CCDC85A: variants seen among roughly 807,000 people sequenced by gnomAD.
CCDC85A encodes the protein coiled-coil domain-containing protein 85A.
In CCDC85A, 38 loss-of-function variants were observed where a neutral mutation model predicts 50.2. The ratio of observed to expected loss-of-function variants is 0.76; its 90% CI spans 0.58 to 0.99. The LOEUF is 0.99. CCDC85A is among the 50% of genes least tolerant of loss of function. CCDC85A has a pLI of 0.00. For synonymous variants in CCDC85A, 366 were observed against 301.4 expected (o/e 1.21, Z -2.22); for missense variants, 820 against 742.0 (o/e 1.11, Z -1.22).
At chr2:56,214,790 A>G (rs1677325802) in intron 2 of CCDC85A, among the ~76,000 whole-genome samples, 1 of 151,912 alleles carries the variant, frequency 6.6e-6, no homozygotes, top group African/African-American at 2.4e-5. Context: ...GTTTGAAGTA[A>G]TTACAGAAAT....
chr2:56,193,461 G>A (rs768817902), intron 2 of CCDC85A, 21 bp downstream of exon 2: 1 of 1,568,890 alleles, frequency 6.4e-7, no homozygotes, highest in African/African-American at 1.3e-5. Flanking sequence ...ATGTGCTGGG[G>A]TGCTGCTTGG....
Position 56,184,268 on chromosome 2 carries a change from G to C in CCDC85A, c.-357G>C. On this transcript the variant is annotated 5_prime_UTR_variant, in exon 1 of 6. Transcript: ENST00000407595. ...GGGGCGACAGTCTCGGCTTAGGGCGGAGGAGAGGGCAGGGGAACGGCGGTG... is the reference window on the plus strand; with the variant it reads ...GGGGCGACAGTCTCGGCTTAGGGCGCAGGAGAGGGCAGGGGAACGGCGGTG... 1 of 879,858 alleles carries C rather than the reference G, an allele frequency of 1.1e-6. No homozygotes were observed. Among genetic ancestry groups the C allele is most frequent in the Non-Finnish European group, 1.4e-6 (1 of 717,796 alleles). 54.5% of individuals were successfully genotyped at this position (879,858 alleles called of 1,614,324 possible). A position where few individuals can be genotyped will look rare whatever the true frequency, so the allele number is the denominator to read the frequency against.
intron 1 of CCDC85A, among the ~76,000 whole-genome samples, chr2:56,188,013 A>G (rs1165381352): frequency 6.6e-6 from 1 of 152,228 alleles, no homozygotes; most frequent in Non-Finnish European, 1.5e-5. Context: ...AATTAAAACA[A>G]TTATTTAACT....
At chr2:56,296,055 G>A (rs969190882) in intron 2 of CCDC85A, among the ~76,000 whole-genome samples, 4 of 152,184 alleles carry the variant, frequency 2.6e-5, no homozygotes, top group African/African-American at 9.7e-5. Flanking sequence ...TTAAAAATGT[G>A]GAATCTACAG....
intron 2 of CCDC85A, among the ~76,000 whole-genome samples, chr2:56,303,305 G>A (rs1672289993): frequency 6.6e-6 from 1 of 152,110 alleles, no homozygotes; most frequent in African/African-American, 2.4e-5. Flanking sequence ...GTATAATTTT[G>A]TGGTTAAAAC....
At chr2:56,277,045 G>A (rs984132249) in intron 2 of CCDC85A, among the ~76,000 whole-genome samples, 1 of 152,118 alleles carries the variant, frequency 6.6e-6, no homozygotes, top group African/African-American at 2.4e-5. Context: ...TTGAGCTGCT[G>A]GGACTCTCTG....
At chr2:56,279,605 A>G (rs1480391621) in intron 2 of CCDC85A, among the ~76,000 whole-genome samples, 1 of 152,126 alleles carries the variant, frequency 6.6e-6, no homozygotes, top group African/African-American at 2.4e-5. Flanking sequence ...TTTGGTAACC[A>G]TCATTTGTAT....
chr2:56,221,470 G>C (rs1048614900), intron 2 of CCDC85A, among the ~76,000 whole-genome samples: 1 of 151,822 alleles, frequency 6.6e-6, no homozygotes, highest in African/African-American at 2.4e-5. Flanking sequence ...CTTGTCTCCT[G>C]AGTTGAATTT....
chr2:56,336,546 A>G (rs890420205), intron 2 of CCDC85A, among the ~76,000 whole-genome samples: 8 of 152,310 alleles, frequency 5.3e-5, no homozygotes, highest in African/African-American at 1.9e-4. Flanking sequence ...GAGAGATGAC[A>G]TCACTTCATC....
chr2:56,383,512 G>GT (rs1198383115), intron 5 of CCDC85A: 2 of 821,950 alleles, frequency 2.4e-6, no homozygotes, highest in Non-Finnish European at 2.9e-6. Flanking sequence ...TGCACCTTTT[G>GT]TCCCTCTATG....
chr2:56,336,180 T>G (rs887840366), intron 2 of CCDC85A, among the ~76,000 whole-genome samples: 1 of 151,650 alleles, frequency 6.6e-6, no homozygotes, highest in Non-Finnish European at 1.5e-5. Context: ...TCAGATGGAG[T>G]TTCACTCTTG....
intron 2 of CCDC85A, among the ~76,000 whole-genome samples, chr2:56,313,533 C>G (rs577675624): frequency 6.6e-6 from 1 of 152,202 alleles, no homozygotes; most frequent in African/African-American, 2.4e-5. Context: ...CAGGCTCTTG[C>G]TTTAAGCCAT....
intron 5 of CCDC85A, among the ~76,000 whole-genome samples, chr2:56,377,883 G>A (rs190164016): frequency 4.8e-4 from 69 of 142,916 alleles, no homozygotes; most frequent in Admixed American, 2.4e-3. Flanking sequence ...GTGAAACTCC[G>A]TCTCAAAAAA....
intron 1 of CCDC85A, among the ~76,000 whole-genome samples, chr2:56,188,913 C>T (rs189986457): frequency 1.2e-3 from 184 of 152,284 alleles, no homozygotes; most frequent in African/African-American, 4.3e-3. Flanking sequence ...TTGGAATAGA[C>T]CCTGCTCTCC....
chr2:56,313,727 G>C (rs192365852), intron 2 of CCDC85A, among the ~76,000 whole-genome samples: 1 of 152,114 alleles, frequency 6.6e-6, no homozygotes, highest in East Asian at 1.9e-4. Flanking sequence ...TGTGGCAGAA[G>C]GTTGTCCTAC....
At chr2:56,265,684 C>T (rs1395540252) in intron 2 of CCDC85A, among the ~76,000 whole-genome samples, 1 of 152,116 alleles carries the variant, frequency 6.6e-6, no homozygotes, top group Non-Finnish European at 1.5e-5. Flanking sequence ...AAGCCTTGCA[C>T]ACGGTTGGTG....
In CCDC85A at chr2:56,351,214, A is replaced by G. The variant is rs188857332; in HGVS notation, c.1317+8259A>G. Among the ~76,000 whole-genome samples the G allele has an allele frequency of 3.3e-3, 493 of 151,110 alleles. 1 individual carries two copies. Among genetic ancestry groups the G allele is most frequent in the African/African-American group, 0.01 (426 of 40,704 alleles). ...TTTTTATGGCTGCATAGTATTCCAC[A>G]GTGTATATATGCCACATTTTCTTAA... On this transcript the variant is annotated intron_variant, in intron 3 of 5. Transcript: ENST00000407595.
At chr2:56,310,412 A>G (rs568189369) in intron 2 of CCDC85A, among the ~76,000 whole-genome samples, 2 of 152,304 alleles carry the variant, frequency 1.3e-5, no homozygotes, top group South Asian at 4.1e-4. Context: ...ACCAGAAGCA[A>G]CGAGAAATCC....
intron 2 of CCDC85A, among the ~76,000 whole-genome samples, chr2:56,271,836 G>A (rs1670713237): frequency 1.3e-5 from 2 of 152,172 alleles, no homozygotes; most frequent in Non-Finnish European, 1.5e-5. Flanking sequence ...AACTTGGCTA[G>A]TCGTATCAGT....
Sources: gnomAD v4.1 joint callset for allele counts (sites outside exome capture counted in the v4.1 genomes callset) on GRCh38, gnomAD v4.1.1 for gene constraint, MANE v1.5 for transcripts, NCBI Gene and HGNC (gene_info 2026-07-23, HGNC 2026-07-21) for gene names.